Variants in SRBD1 observed in about 807,000 individuals in gnomAD.
SRBD1 encodes the protein S1 RNA-binding domain-containing protein 1.
Under a neutral mutation model 115.3 loss-of-function variants are expected in SRBD1, and 88 were observed. The ratio of observed to expected loss-of-function variants is 0.76; its 90% CI spans 0.64 to 0.91. The LOEUF is 0.91. Among genes scored for constraint, SRBD1 ranks in the 40% least tolerant of loss-of-function variants. SRBD1 has a pLI of 0.00. For synonymous variants in SRBD1, 509 were observed against 407.7 expected, an observed-to-expected ratio of 1.25 and a Z score of -2.99; for missense variants, 1,385 against 1,177.4, an observed-to-expected ratio of 1.18 and a Z score of -2.58.
intron 10 of SRBD1, among the ~76,000 whole-genome samples, chr2:45,556,420 A>G (rs574534538): frequency 7.1e-6 from 1 of 141,290 alleles, no homozygotes; most frequent in East Asian, 2.2e-4. Flanking sequence ...AGTTAAAAGT[A>G]TGATCTGTTC....
At chr2:45,473,590 A>T (rs555053859) in intron 16 of SRBD1, among the ~76,000 whole-genome samples, 1 of 152,332 alleles carries the variant, frequency 6.6e-6, no homozygotes, top group African/African-American at 2.4e-5. Context: ...ATTTAGAATT[A>T]TGAGTTCAAA....
At position 45,426,770 on chromosome 2, in the gene SRBD1, G is replaced by A. The variant is rs190720738; in HGVS notation, c.2050-6876C>T. Among the ~76,000 whole-genome samples, 588 of 152,152 alleles carry A rather than the reference G, an allele frequency of 3.9e-3. 2 individuals carry two copies. The highest frequency in any genetic ancestry group is 6.2e-3 in the Non-Finnish European group (424 of 68,024). ...CCTGCAGCAGAGGGGCCTATTAGAAGGAAAACTAACAAACAGAAAGGAATA... is the reference window on the plus strand; with the variant it reads ...CCTGCAGCAGAGGGGCCTATTAGAAAGAAAACTAACAAACAGAAAGGAATA... On this transcript the variant is annotated intron_variant, in intron 16 of 20. Coordinates refer to ENST00000263736, the MANE Select transcript of SRBD1 (RefSeq NM_018079.5).
At chr2:45,471,846 T>C (rs1453635391) in intron 16 of SRBD1, among the ~76,000 whole-genome samples, 1 of 152,128 alleles carries the variant, frequency 6.6e-6, no homozygotes, top group Non-Finnish European at 1.5e-5. Context: ...TGTATATAAA[T>C]CAAGAATAAA....
intron 14 of SRBD1, among the ~76,000 whole-genome samples, chr2:45,540,587 G>A (rs1453305290): frequency 2.0e-5 from 3 of 151,924 alleles, no homozygotes; most frequent in Non-Finnish European, 4.4e-5. Flanking sequence ...AAAGTGAAAA[G>A]TCACAGACTG....
chr2:45,422,893 C>G (rs183310898), intron 16 of SRBD1, among the ~76,000 whole-genome samples: 1 of 152,216 alleles, frequency 6.6e-6, no homozygotes, highest in East Asian at 1.9e-4. Flanking sequence ...ATGAATCACT[C>G]TATACTCAGA....
At chr2:45,499,098 C>T (rs1321609527) in intron 14 of SRBD1, among the ~76,000 whole-genome samples, 1 of 152,084 alleles carries the variant, frequency 6.6e-6, no homozygotes, top group African/African-American at 2.4e-5. Context: ...GGCTATACTA[C>T]CTTACCTTCC....
At chr2:45,407,822 T>C (rs942968512) in intron 19 of SRBD1, among the ~76,000 whole-genome samples, 2 of 152,020 alleles carry the variant, frequency 1.3e-5, no homozygotes, top group Non-Finnish European at 2.9e-5. Context: ...TGCCAGTCCA[T>C]ATAACAAAGG....
chr2:45,574,617 A>G lies in SRBD1; in HGVS notation c.1169+10T>C. ...CATAAAGCAGAAAACTCCATAAAAG[A>G]GATACTCACAAGTTCCGAATGAAGT... is the stretch of plus-strand genomic sequence containing the variant. On this transcript the variant is annotated intron_variant, in intron 8 of 20. Transcript: ENST00000263736. 1.2e-6 allele frequency: 2 copies of G among 1,611,730 alleles called. No homozygotes were observed. The highest frequency in any genetic ancestry group is 1.1e-5 in the South Asian group (1 of 90,716).
chr2:45,580,971 C>T (rs976765510), intron 6 of SRBD1, among the ~76,000 whole-genome samples: 2 of 152,120 alleles, frequency 1.3e-5, no homozygotes, highest in Admixed American at 6.5e-5. Flanking sequence ...GCTTGAGCCA[C>T]CGCGCCCAGC....
chr2:45,592,143 G>A (rs971724686), intron 4 of SRBD1, among the ~76,000 whole-genome samples: 1 of 152,080 alleles, frequency 6.6e-6, no homozygotes, highest in Non-Finnish European at 1.5e-5. Flanking sequence ...TGTAAGAAGT[G>A]CCTTTTGCCT....
rs187874923 is a variant in SRBD1, at chr2:45,412,695, C to G, written c.2513+419G>C. ...TAATGTATACTCACTAAAAGTACAT[C>G]ATTTCTTAGATTTTAAGATTTTAAT... On this transcript the variant is annotated intron_variant, in intron 19 of 20. Coordinates refer to ENST00000263736, the MANE Select transcript of SRBD1 (RefSeq NM_018079.5). 2.6e-3 allele frequency among the ~76,000 whole-genome samples: 393 copies of G among 152,300 alleles called. 2 individuals are homozygous for G. The highest frequency in any genetic ancestry group is 4.5e-3 in the Non-Finnish European group (307 of 68,024).
intron 10 of SRBD1, among the ~76,000 whole-genome samples, chr2:45,557,367 G>GC (rs1335282652): frequency 6.6e-6 from 1 of 152,144 alleles, no homozygotes; most frequent in African/African-American, 2.4e-5. Context: ...CTAAGGTGTT[G>GC]CCCTTTAAGC....
At chr2:45,409,499 C>T (rs1489891952) in intron 19 of SRBD1, among the ~76,000 whole-genome samples, 6 of 137,918 alleles carry the variant, frequency 4.4e-5, no homozygotes, top group African/African-American at 1.1e-4. Flanking sequence ...CTGAAGGTCC[C>T]GGCCATTGCA....
intron 14 of SRBD1, among the ~76,000 whole-genome samples, chr2:45,507,005 G>A (rs1312991748): frequency 6.6e-6 from 1 of 152,036 alleles, no homozygotes; most frequent in South Asian, 2.1e-4. Context: ...GAAATAGAGG[G>A]TTTTGTTTTT....
chr2:45,548,914 T>C (rs1357879973), intron 12 of SRBD1: 1 of 152,012 alleles, frequency 6.6e-6, no homozygotes, highest in African/African-American at 2.4e-5. Flanking sequence ...AGCATCTGCA[T>C]GGAAGGAAGC....
intron 14 of SRBD1, among the ~76,000 whole-genome samples, chr2:45,504,034 T>G (rs919933956): frequency 6.6e-6 from 1 of 152,134 alleles, no homozygotes; most frequent in African/African-American, 2.4e-5. Context: ...AACTACCAAG[T>G]TTTTACTATA....
chr2:45,461,665 C>A (rs992836727), intron 16 of SRBD1, among the ~76,000 whole-genome samples: 2 of 152,132 alleles, frequency 1.3e-5, no homozygotes, highest in East Asian at 3.9e-4. Flanking sequence ...ACTGCCCCCC[C>A]CAACTTTTAA....
chr2:45,588,629 C>G (rs1269297025), intron 4 of SRBD1, among the ~76,000 whole-genome samples: 1 of 152,190 alleles, frequency 6.6e-6, no homozygotes. Flanking sequence ...TCCAGCTCTA[C>G]AGCATGAGGC....
At chr2:45,553,310 C>T (rs879385739) in intron 11 of SRBD1, among the ~76,000 whole-genome samples, 1 of 152,192 alleles carries the variant, frequency 6.6e-6, no homozygotes, top group Admixed American at 6.5e-5. Flanking sequence ...CTACTGATTT[C>T]CTTATGCTTT....
Sources: allele counts gnomAD v4.1 joint callset (sites outside exome capture counted in the v4.1 genomes callset), GRCh38; gene constraint gnomAD v4.1.1; transcripts MANE v1.5; gene names NCBI Gene and HGNC (gene_info 2026-07-23, HGNC 2026-07-21).